Variants in GPC5 observed in about 807,000 individuals in gnomAD.
GPC5 encodes the protein glypican-5.
GPC5 carries 47 observed loss-of-function variants against 53.9 expected under a neutral mutation model. The ratio of observed to expected loss-of-function variants is 0.87; its 90% CI spans 0.69 to 1.11. The LOEUF (loss-of-function observed/expected upper bound fraction) is 1.11, where lower values mean the gene tolerates loss of function less well. GPC5 is among the 50% of genes most tolerant of loss of function. GPC5 has a pLI of 0.00. For synonymous variants in GPC5, 286 were observed against 263.3 expected (o/e 1.09, Z -0.84); for missense variants, 748 against 713.1 (o/e 1.05, Z -0.56).
In GPC5 at chr13:92,158,194, A is replaced by G. The variant is rs542952008; in HGVS notation, c.1561+13205A>G. Among the ~76,000 whole-genome samples the G allele has an allele frequency of 6.4e-4, 97 of 152,276 alleles. 1 individual carries two copies. The highest frequency in any genetic ancestry group is 1.6e-3 in the Admixed American group (24 of 15,302). On this transcript the variant is annotated intron_variant, in intron 7 of 7. Coordinates refer to ENST00000377067, the MANE Select transcript of GPC5 (RefSeq NM_004466.6). ...GTATCAGTGTTTTCAGGGAAGCTCA[A>G]TGTTTGCACTCTTCCTGGAGCACCA... is the stretch of plus-strand genomic sequence containing the variant.
intron 5 of GPC5, among the ~76,000 whole-genome samples, chr13:91,840,869 C>G (rs1265537678): frequency 6.6e-6 from 1 of 151,554 alleles, no homozygotes; most frequent in Non-Finnish European, 1.5e-5. Flanking sequence ...TAGAAAAATG[C>G]TACTGGTAAC....
intron 7 of GPC5, among the ~76,000 whole-genome samples, chr13:92,550,848 C>G (rs1202305876): frequency 6.6e-6 from 1 of 151,794 alleles, no homozygotes; most frequent in African/African-American, 2.4e-5. Flanking sequence ...AGGCAGAAAA[C>G]AAACATATGC....
chr13:92,803,196 C>CA (rs1337476540), intron 7 of GPC5, among the ~76,000 whole-genome samples: 2 of 151,870 alleles, frequency 1.3e-5, no homozygotes, highest in Non-Finnish European at 2.9e-5. Flanking sequence ...AGAGCCAACC[C>CA]AAAAGTAGCA....
At chr13:91,895,638 C>CT (rs1277407427) in intron 5 of GPC5, among the ~76,000 whole-genome samples, 230 of 143,292 alleles carry the variant, frequency 1.6e-3, no homozygotes, top group Middle Eastern at 3.7e-3. Flanking sequence ...CTCTTTCTTT[C>CT]TTTTTTTTTT....
At chr13:92,302,863 A>C (rs2043084815) in intron 7 of GPC5, among the ~76,000 whole-genome samples, 1 of 152,174 alleles carries the variant, frequency 6.6e-6, no homozygotes, top group African/African-American at 2.4e-5. Flanking sequence ...TTGCAATAAA[A>C]CCGTCCCTCC....
intron 7 of GPC5, among the ~76,000 whole-genome samples, chr13:92,696,092 T>TATCG (rs1245604480): frequency 1.3e-5 from 2 of 152,218 alleles, no homozygotes; most frequent in Non-Finnish European, 2.9e-5. Flanking sequence ...TTATCCAGTC[T>TATCG]ATCGTTGATG....
intron 7 of GPC5, among the ~76,000 whole-genome samples, chr13:92,364,291 G>A (rs2043591000): frequency 6.6e-6 from 1 of 151,578 alleles, no homozygotes; most frequent in Non-Finnish European, 1.5e-5. Flanking sequence ...ATACACAATG[G>A]CAATTGAATT....
intron 7 of GPC5, among the ~76,000 whole-genome samples, chr13:92,243,946 A>G (rs552087675): frequency 6.6e-6 from 1 of 152,264 alleles, no homozygotes; most frequent in East Asian, 1.9e-4. Context: ...TGAGAGAAAG[A>G]AGAAAGATCA....
chr13:92,004,468 AT>A (rs2040587133), intron 6 of GPC5, among the ~76,000 whole-genome samples: 3 of 117,786 alleles, frequency 2.5e-5, no homozygotes, highest in African/African-American at 1.0e-4. Context: ...TTATATATAT[AT>A]ATATATATAT....
chr13:92,116,548 A>G (rs2041603565), intron 6 of GPC5, among the ~76,000 whole-genome samples: 1 of 152,260 alleles, frequency 6.6e-6, no homozygotes, highest in South Asian at 2.1e-4. Flanking sequence ...TTGTCAAAAG[A>G]CAAGTTTTCA....
chr13:92,683,637 T>C (rs538203759), intron 7 of GPC5, among the ~76,000 whole-genome samples: 102 of 152,314 alleles, frequency 6.7e-4, no homozygotes, highest in Non-Finnish European at 1.1e-3. Context: ...ACATTAATAT[T>C]GCATTTCAGT....
At chr13:92,468,343 AG>A (rs1878782683) in intron 7 of GPC5, among the ~76,000 whole-genome samples, 1 of 152,114 alleles carries the variant, frequency 6.6e-6, no homozygotes, top group African/African-American at 2.4e-5. Context: ...AATAGAGAAA[AG>A]GTCTGTCTCA....
At chr13:91,611,016 A>C (rs572617325) in intron 2 of GPC5, among the ~76,000 whole-genome samples, 1 of 152,304 alleles carries the variant, frequency 6.6e-6, no homozygotes, top group Non-Finnish European at 1.5e-5. Flanking sequence ...ATCTTTCAGC[A>C]TGTCTGTTAG....
chr13:92,222,715 C>G (rs1009737444), intron 7 of GPC5, among the ~76,000 whole-genome samples: 16 of 151,948 alleles, frequency 1.1e-4, no homozygotes, highest in African/African-American at 3.9e-4. Context: ...ATAATACGCC[C>G]CGATTTAAGA....
intron 7 of GPC5, among the ~76,000 whole-genome samples, chr13:92,767,854 C>A (rs200617561): frequency 6.6e-6 from 1 of 152,148 alleles, no homozygotes; most frequent in South Asian, 2.1e-4. Context: ...CCAGTTGACA[C>A]CCACCCTAGA....
At chr13:92,545,050 C>A (rs1366690690) in intron 7 of GPC5, among the ~76,000 whole-genome samples, 1 of 152,024 alleles carries the variant, frequency 6.6e-6, no homozygotes, top group Non-Finnish European at 1.5e-5. Flanking sequence ...GGTATATCTC[C>A]TAATGCTATA....
intron 3 of GPC5, among the ~76,000 whole-genome samples, chr13:91,725,923 TTC>T (rs2036567034): frequency 6.6e-6 from 1 of 152,158 alleles, no homozygotes; most frequent in Admixed American, 6.5e-5. Flanking sequence ...TGATTGCAGA[TTC>T]TGTTTCCCTT....
At chr13:92,315,450 A>G (rs1319801314) in intron 7 of GPC5, among the ~76,000 whole-genome samples, 3 of 152,176 alleles carry the variant, frequency 2.0e-5, no homozygotes, top group African/African-American at 4.8e-5. Context: ...ACTCATACCC[A>G]TAGTGATTTG....
At chr13:92,533,030 T>A (rs1881615562) in intron 7 of GPC5, among the ~76,000 whole-genome samples, 1 of 152,176 alleles carries the variant, frequency 6.6e-6, no homozygotes, top group East Asian at 1.9e-4. Context: ...AGAATAATTA[T>A]TATTGCTTTA....
Sources: allele counts gnomAD v4.1 joint callset (sites outside exome capture counted in the v4.1 genomes callset), GRCh38; gene constraint gnomAD v4.1.1; transcripts MANE v1.5; gene names NCBI Gene and HGNC (gene_info 2026-07-23, HGNC 2026-07-21).